The following ARK2C variants were observed in gnomAD, a reference collection of about 807,000 sequenced individuals.
ARK2C encodes arkadia (RNF111) C-terminal like ring finger ubiquitin ligase 2C, also known as E3 ubiquitin-protein ligase ARK2C.
chr18:46,441,729 A>C, the ARK2C span, among the ~76,000 whole-genome samples: 1 of 151,650 alleles, frequency 6.6e-6, no homozygotes, highest in East Asian at 1.9e-4. Context: ...TCTACTAAAA[A>C]TACAAAAAAT....
chr18:46,369,463 C>T, the ARK2C span, among the ~76,000 whole-genome samples: 3 of 151,976 alleles, frequency 2.0e-5, no homozygotes, highest in Admixed American at 6.6e-5. Context: ...GGCCAGCTTC[C>T]GGGGAATGTT....
At chr18:46,443,020 A>G in the ARK2C span, among the ~76,000 whole-genome samples, 105 of 152,294 alleles carry the variant, frequency 6.9e-4, no homozygotes, top group African/African-American at 2.5e-3. Flanking sequence ...CTTGTAACCT[A>G]GTATCTACAT....
the ARK2C span, among the ~76,000 whole-genome samples, chr18:46,421,740 G>A: frequency 1.3e-5 from 2 of 152,146 alleles, no homozygotes; most frequent in East Asian, 3.9e-4. Context: ...GCTGCTTGTT[G>A]GAAGCTTGCT....
At chr18:46,436,368 A>G in the ARK2C span, among the ~76,000 whole-genome samples, 1 of 152,292 alleles carries the variant, frequency 6.6e-6, no homozygotes, top group Admixed American at 6.5e-5. Context: ...TAAAATGGTG[A>G]CATTTGGGGA....
At chr18:46,358,212 G>T in the ARK2C span, among the ~76,000 whole-genome samples, 5 of 152,200 alleles carry the variant, frequency 3.3e-5, no homozygotes, top group Non-Finnish European at 7.4e-5. Flanking sequence ...CCCTGTGAGG[G>T]CTGCAAGCGT....
chr18:46,365,297 C>T, the ARK2C span, among the ~76,000 whole-genome samples: 1 of 152,188 alleles, frequency 6.6e-6, no homozygotes, highest in Non-Finnish European at 1.5e-5. Flanking sequence ...CCACCCTACA[C>T]TCCCCAACTC....
the ARK2C span, among the ~76,000 whole-genome samples, chr18:46,375,169 C>A: frequency 6.6e-6 from 1 of 152,242 alleles, no homozygotes; most frequent in Non-Finnish European, 1.5e-5. Flanking sequence ...GCCCCAGGCT[C>A]CTTCCAGGCC....
the ARK2C span, among the ~76,000 whole-genome samples, chr18:46,353,135 C>A: frequency 5.3e-5 from 8 of 152,244 alleles, no homozygotes; most frequent in Non-Finnish European, 1.2e-4. Flanking sequence ...TCATGACTAG[C>A]TTGCATTTTC....
At chr18:46,341,325 G>C in the ARK2C span, among the ~76,000 whole-genome samples, 4 of 123,420 alleles carry the variant, frequency 3.2e-5, no homozygotes, top group East Asian at 9.4e-4. Context: ...AGGGAGGGGG[G>C]TGGGACAGGC....
the ARK2C span, among the ~76,000 whole-genome samples, chr18:46,401,910 G>A: frequency 6.6e-6 from 1 of 152,156 alleles, no homozygotes; most frequent in East Asian, 1.9e-4. Flanking sequence ...TTTACACAGT[G>A]GCGCTTTCAG....
chr18:46,360,696 C>T, the ARK2C span, among the ~76,000 whole-genome samples: 1 of 152,164 alleles, frequency 6.6e-6, no homozygotes, highest in African/African-American at 2.4e-5. Flanking sequence ...GAGAACCCTG[C>T]CCTGCCCCTG....
At chr18:46,362,444 G>A in the ARK2C span, among the ~76,000 whole-genome samples, 17,594 of 152,088 alleles carry the variant, frequency 0.12, 2,305 homozygotes, top group African/African-American at 0.32. Context: ...GAGTGTGTGC[G>A]CGCCCCAAGG....
the ARK2C span, among the ~76,000 whole-genome samples, chr18:46,427,638 A>T: frequency 6.6e-6 from 1 of 151,924 alleles, no homozygotes; most frequent in South Asian, 2.1e-4. Flanking sequence ...CCAGCCTCAA[A>T]CCCGCAGCCC....
At chr18:46,437,298 G>A in the ARK2C span, among the ~76,000 whole-genome samples, 3 of 152,288 alleles carry the variant, frequency 2.0e-5, no homozygotes, top group South Asian at 6.2e-4. Context: ...TAGTGGCGCC[G>A]AGGGGTTTTG....
the ARK2C span, among the ~76,000 whole-genome samples, chr18:46,451,606 G>A: frequency 6.6e-6 from 1 of 152,148 alleles, no homozygotes; most frequent in African/African-American, 2.4e-5. Context: ...ACCAACCTGA[G>A]CAAAATAGTG....
the ARK2C span, among the ~76,000 whole-genome samples, chr18:46,417,124 C>T: frequency 3.9e-5 from 6 of 152,246 alleles, no homozygotes; most frequent in Non-Finnish European, 8.8e-5. Flanking sequence ...AATCTTGTCA[C>T]CTGTACCCTT....
the ARK2C span, among the ~76,000 whole-genome samples, chr18:46,384,701 G>T: frequency 2.0e-5 from 3 of 152,080 alleles, no homozygotes; most frequent in African/African-American, 7.2e-5. Flanking sequence ...AACCCATTCT[G>T]CACTCTTGCA....
At chr18:46,450,825 CATA>C in the ARK2C span, 1 of 1,562,816 alleles carries the variant, frequency 6.4e-7, no homozygotes, top group African/African-American at 1.4e-5. Context: ...GGCCAGCCTG[CATA>C]GTCAGGGAAT....
At chr18:46,403,396 G>A in the ARK2C span, among the ~76,000 whole-genome samples, 10 of 151,808 alleles carry the variant, frequency 6.6e-5, no homozygotes, top group South Asian at 4.2e-4. Flanking sequence ...CCTGCCCCCC[G>A]TCTCCCTCTA....
Sources: allele counts gnomAD v4.1 joint callset (sites outside exome capture counted in the v4.1 genomes callset), GRCh38; gene constraint gnomAD v4.1.1; transcripts MANE v1.5; gene names NCBI Gene and HGNC (gene_info 2026-07-23, HGNC 2026-07-21).